The following BFSP1 variants were observed in gnomAD, a reference collection of about 807,000 sequenced individuals.
BFSP1 encodes the protein beaded filament structural protein 1, also known as filensin.
BFSP1 carries 38 observed loss-of-function variants against 43.9 expected under a neutral mutation model. The ratio of observed to expected loss-of-function variants is 0.87; its 90% confidence interval spans 0.67 to 1.14. The LOEUF (loss-of-function observed/expected upper bound fraction) is 1.14. BFSP1 is among the 50% of genes most tolerant of loss of function. The pLI is 0.00. For missense variants in BFSP1, 850 were observed against 875.1 expected (o/e 0.97, Z 0.36); for synonymous variants, 352 against 354.8 (o/e 0.99, Z 0.09).
chr20:17,511,921 T>C, intron 4 of BFSP1, 55 bp downstream of exon 4: 4 of 1,490,584 alleles, frequency 2.7e-6, no homozygotes, highest in Non-Finnish European at 3.7e-6. Context: ...CCTGGGAGTC[T>C]CCAGGTACAG....
chr20:17,529,143 G>A (rs537449328), intron 1 of BFSP1, among the ~76,000 whole-genome samples: 3 of 151,462 alleles, frequency 2.0e-5, no homozygotes, highest in African/African-American at 7.3e-5. Context: ...CGCAATCTCA[G>A]CTCACTGCAG....
chr20:17,556,274 G>A (rs992788595), intron 1 of BFSP1, among the ~76,000 whole-genome samples: 1 of 152,062 alleles, frequency 6.6e-6, no homozygotes, highest in Admixed American at 6.5e-5. Flanking sequence ...AGGCCAAGGC[G>A]AGAGGACTGC....
chr20:17,520,210 G>GCCCCCCCCCCCCCCCCCCCCCCCCCCCC (rs138070825), intron 2 of BFSP1, among the ~76,000 whole-genome samples: 10 of 133,302 alleles, frequency 7.5e-5, no homozygotes, highest in African/African-American at 1.8e-4. Flanking sequence ...GTTTTAACGT[G>GCCCCCCCCCCCCCCCCCCCCCCCCCCCC]CCCCCCCACC....
chr20:17,542,284 T>G (rs1344184618), intron 1 of BFSP1, among the ~76,000 whole-genome samples: 1 of 151,998 alleles, frequency 6.6e-6, no homozygotes, highest in Admixed American at 6.6e-5. Flanking sequence ...AGGAAGACAT[T>G]TCTCTCCTAG....
chr20:17,501,977 A>C (rs1315040563), intron 5 of BFSP1, among the ~76,000 whole-genome samples: 1 of 152,174 alleles, frequency 6.6e-6, no homozygotes, highest in East Asian at 1.9e-4. Context: ...CAAAGTTGAG[A>C]AAGGTAATTA....
Position 17,494,782 on chromosome 20 carries a change from A to G in BFSP1, c.1290T>C (p.Asp430=). 15 of 1,614,156 alleles carry G rather than the reference A, an allele frequency of 9.3e-6. No homozygotes were observed. The highest frequency in any genetic ancestry group is 1.2e-5 in the Non-Finnish European group (14 of 1,180,028). The change falls in exon 8 of 8, where the codon GAT becomes GAC. Residue 430 remains aspartate, a synonymous_variant. Transcript: ENST00000377873. ...SPLTQEGAPE[D]VPDGGQISKG... The stretch of plus-strand genomic sequence containing the variant: ...TGCTTATCTGCCCTCCATCTGGCAC[A>G]TCCTCTGGAGCCCCTTCTTGTGTCA...
At chr20:17,539,928 T>C (rs1376724284) in intron 1 of BFSP1, among the ~76,000 whole-genome samples, 8 of 152,012 alleles carry the variant, frequency 5.3e-5, no homozygotes, top group Non-Finnish European at 8.8e-5. Flanking sequence ...TGACCTGAAA[T>C]TGGGGGGGAC....
intron 4 of BFSP1, among the ~76,000 whole-genome samples, chr20:17,510,980 T>G (rs1445980488): frequency 7.9e-6 from 1 of 126,950 alleles, no homozygotes; most frequent in South Asian, 2.1e-4. Flanking sequence ...TTGCTTCTTG[T>G]TTGTTTGTTT....
chr20:17,562,155 C>T (rs2035072128), upstream of BFSP1, among the ~76,000 whole-genome samples: 1 of 151,744 alleles, frequency 6.6e-6, no homozygotes, highest in African/African-American at 2.4e-5. Context: ...CTCCTGACCT[C>T]GTGATCGGTC....
At chr20:17,538,337 C>T (rs1034075429) in intron 1 of BFSP1, among the ~76,000 whole-genome samples, 2 of 152,040 alleles carry the variant, frequency 1.3e-5, no homozygotes, top group Non-Finnish European at 2.9e-5. Context: ...AATAATAAAG[C>T]AAATGATTGG....
At chr20:17,564,577 AACT>A (rs1309062775) in intron 1 of BFSP1, among the ~76,000 whole-genome samples, 1 of 151,984 alleles carries the variant, frequency 6.6e-6, no homozygotes, top group African/African-American at 2.4e-5. Context: ...GATTCATTTA[AACT>A]ACTACTTCTT....
chr20:17,561,322 C>A (rs947161487), upstream of BFSP1, among the ~76,000 whole-genome samples: 6 of 151,930 alleles, frequency 3.9e-5, no homozygotes, highest in Admixed American at 3.3e-4. Context: ...CACAGTGAAA[C>A]CCCGTCTGTA....
At chr20:17,561,026 C>T (rs1290060976), upstream of BFSP1, among the ~76,000 whole-genome samples, 4 of 152,124 alleles carry the variant, frequency 2.6e-5, 1 homozygote, top group East Asian at 7.7e-4. Flanking sequence ...CTCTTCATTC[C>T]TATCCTTCAT....
intron 3 of BFSP1, among the ~76,000 whole-genome samples, chr20:17,513,385 GATC>G (rs764297183): frequency 2.0e-5 from 3 of 152,172 alleles, no homozygotes; most frequent in Admixed American, 1.3e-4. Flanking sequence ...CAGTGTGAGC[GATC>G]ATCATCACCG....
intron 5 of BFSP1, among the ~76,000 whole-genome samples, chr20:17,500,522 A>T (rs77770464): frequency 6.6e-6 from 1 of 151,628 alleles, no homozygotes; most frequent in Non-Finnish European, 1.5e-5. Context: ...CCAGTTGCAT[A>T]AAAAAAAGTC....
rs2033727949 is a variant in BFSP1, at chr20:17,499,029, C to T, written c.747G>A (p.Leu249=). Residue 249 remains leucine, a synonymous_variant, in exon 6 of 8, where the codon CTG becomes CTA. Coordinates refer to ENST00000377873, the MANE Select transcript of BFSP1 (RefSeq NM_001195.5). ...CATGGGCACTTTTAATAGCTTGTTC[C>T]AGAGTTGTTGTCTGTGGGCAAGGAC... ...RVELQAQTTT[L]EQAIKSAHEC... 1 of 1,613,988 alleles carries T rather than the reference C, an allele frequency of 6.2e-7. No homozygotes were observed. The highest frequency in any genetic ancestry group is 1.3e-5 in the African/African-American group (1 of 74,906).
intron 6 of BFSP1, among the ~76,000 whole-genome samples, chr20:17,497,900 A>G (rs907034449): frequency 1.3e-5 from 2 of 152,176 alleles, no homozygotes; most frequent in Non-Finnish European, 2.9e-5. Context: ...CAAAACAAAA[A>G]TGTTTACAAA....
At position 17,523,565 on chromosome 20, in the gene BFSP1, C is replaced by G. The variant is rs189885335; in HGVS notation, c.438+1283G>C. 1.9e-3 allele frequency among the ~76,000 whole-genome samples: 285 copies of G among 151,356 alleles called. 1 individual carries two copies. Among genetic ancestry groups the G allele is most frequent in the Admixed American group, 0.012 (177 of 15,086 alleles). The stretch of plus-strand genomic sequence containing the variant: ...AGATGTCCAACAGGCTCGAGGCCAT[C>G]GTTTTCCAAGCCAACTATTGAGCGT... On this transcript the variant is annotated intron_variant, in intron 2 of 7. Coordinates refer to ENST00000377873, the MANE Select transcript of BFSP1 (RefSeq NM_001195.5).
At chr20:17,567,868 A>C (rs2122140079) in intron 1 of BFSP1, among the ~76,000 whole-genome samples, 1 of 152,116 alleles carries the variant, frequency 6.6e-6, no homozygotes, top group African/African-American at 2.4e-5. Context: ...TCTCAAAAAA[A>C]AAAAAAAAAG....
Sources: gnomAD v4.1 joint callset for allele counts (sites outside exome capture counted in the v4.1 genomes callset) on GRCh38, gnomAD v4.1.1 for gene constraint, MANE v1.5 for transcripts, NCBI Gene and HGNC (gene_info 2026-07-23, HGNC 2026-07-21) for gene names.